Variants in DNAH9 observed in about 807,000 individuals in gnomAD.
The protein encoded by DNAH9 is DNAH9 variant protein.
Under a neutral mutation model 471.6 loss-of-function variants are expected in DNAH9, and 345 were observed. The ratio of observed to expected loss-of-function variants is 0.73; its 90% CI spans 0.67 to 0.80. DNAH9 has a LOEUF of 0.80. Among genes scored for constraint, DNAH9 ranks in the 30% least tolerant of loss-of-function variants. The pLI, the probability that DNAH9 is intolerant of heterozygous loss-of-function variation, is 0.00. For missense variants in DNAH9, 5,407 were observed against 5,609.2 expected (o/e 0.96, Z 1.15); for synonymous variants, 2,093 against 2,123.6 (o/e 0.99, Z 0.40).
intron 28 of DNAH9, among the ~76,000 whole-genome samples, chr17:11,737,812 T>C (rs1171438798): frequency 6.6e-6 from 1 of 152,152 alleles, no homozygotes; most frequent in Non-Finnish European, 1.5e-5. Context: ...CTACCTTTGC[T>C]CCATCTGTAA....
In DNAH9 at chr17:11,654,972, A is replaced by G. The variant is rs148083099; in HGVS notation, c.2595+1970A>G. Reference sequence around the variant, plus strand: ...ATACAAAACTTAGTAATTAGGCCTTAAATAATGTTTGCCTTTTGATAATTT... The same window carrying G: ...ATACAAAACTTAGTAATTAGGCCTTGAATAATGTTTGCCTTTTGATAATTT... On this transcript the variant is annotated intron_variant, in intron 14 of 68. Transcript: ENST00000262442. Among the ~76,000 whole-genome samples the G allele has an allele frequency of 7.2e-5, 11 of 152,270 alleles. No homozygotes were observed. The East Asian group carries it at 2.1e-3, about 29-fold the overall frequency.
At chr17:11,614,969 T>G (rs1349968274) in intron 4 of DNAH9, among the ~76,000 whole-genome samples, 1 of 152,138 alleles carries the variant, frequency 6.6e-6, no homozygotes, top group Non-Finnish European at 1.5e-5. Flanking sequence ...AGGATGTGTG[T>G]AGGTAGATAC....
At chr17:11,898,639 A>T (rs1360714305) in intron 59 of DNAH9, among the ~76,000 whole-genome samples, 1 of 152,188 alleles carries the variant, frequency 6.6e-6, no homozygotes. Context: ...CACATGCTAT[A>T]GTCGATATGG....
intron 18 of DNAH9, 133 bp downstream of exon 18, chr17:11,680,112 G>T: frequency 1.5e-6 from 1 of 686,542 alleles, no homozygotes; most frequent in Non-Finnish European, 2.4e-6. Context: ...GAACTATAAT[G>T]TGTAGCGTAT....
rs1203489372 is a variant in DNAH9, at chr17:11,875,349, C to T, written c.10478+165C>T. Among the ~76,000 whole-genome samples the T allele has an allele frequency of 2.0e-5, 3 of 152,262 alleles. No individual in the cohort carries two copies. The East Asian group carries it at 5.8e-4, about 29-fold the overall frequency. On this transcript the variant is annotated intron_variant, in intron 53 of 68. Coordinates refer to ENST00000262442, the MANE Select transcript of DNAH9 (RefSeq NM_001372.4). The stretch of plus-strand genomic sequence containing the variant: ...TTAGCAAACATCTCAATGAAAGATG[C>T]CTGGGTACTAAGTCTTTGCTTTTTA...
At chr17:11,803,379 GGTGT>G (rs35385819) in intron 43 of DNAH9, among the ~76,000 whole-genome samples, 58 of 150,534 alleles carry the variant, frequency 3.9e-4, no homozygotes, top group African/African-American at 9.7e-4. Flanking sequence ...ATTCTCTAGG[GGTGT>G]GTGTGTGTGT....
At chr17:11,658,025 T>C (rs2073686179) in intron 14 of DNAH9, among the ~76,000 whole-genome samples, 2 of 152,110 alleles carry the variant, frequency 1.3e-5, no homozygotes, top group Admixed American at 6.5e-5. Flanking sequence ...ACATAAGTTT[T>C]AGATTCAGCC....
In DNAH9 at chr17:11,762,774, T is replaced by G. The variant is rs866195230; in HGVS notation, c.6996-666T>G. Among the ~76,000 whole-genome samples the G allele has an allele frequency of 2.8e-3, 262 of 95,152 alleles. 2 individuals carry two copies. Among genetic ancestry groups the G allele is most frequent in the Non-Finnish European group, 3.5e-3 (151 of 43,600 alleles). 62.4% of individuals were successfully genotyped at this position (95,152 alleles called of 152,430 possible). A position where few individuals can be genotyped will look rare whatever the true frequency, so the allele number is the denominator to read the frequency against. On this transcript the variant is annotated intron_variant, in intron 35 of 68. Transcript: ENST00000262442. ...TTTAGGTGCGTTTTTTTTTTTGTTT[T>G]TTTTTTTTTTTTTTTTTTTTTTTGA...
At chr17:11,679,619 A>G in intron 17 of DNAH9, 138 bp from the exon 18 acceptor site, 1 of 677,068 alleles carries the variant, frequency 1.5e-6, no homozygotes, top group Non-Finnish European at 2.6e-6. Flanking sequence ...AGCATAGTCT[A>G]TGCAGAGTGC....
intron 43 of DNAH9, among the ~76,000 whole-genome samples, chr17:11,803,377 G>GA (rs1969541647): frequency 2.1e-5 from 3 of 139,810 alleles, no homozygotes; most frequent in Non-Finnish European, 4.9e-5. Flanking sequence ...CCATTCTCTA[G>GA]GGGTGTGTGT....
chr17:11,608,305 G>C lies in DNAH9; in HGVS notation c.594G>C (p.Ala198=). 5 of 1,610,014 alleles carry C rather than the reference G, an allele frequency of 3.1e-6. No individual in the cohort carries two copies. Among genetic ancestry groups the C allele is most frequent in the Non-Finnish European group, 3.4e-6 (4 of 1,178,852 alleles). The part of the protein sequence containing the change: ...LPAGSEKMEF[A]DSKSETVLDS... ...CAGGCTCAGAAAAAATGGAGTTTGC[G>C]GATTCCAAAAGTGAGACAGTGTAAG... is the stretch of plus-strand genomic sequence containing the variant. Residue 198 remains alanine (A), a synonymous_variant, in exon 2 of 69, where the codon GCG becomes GCC. Transcript: ENST00000262442.
chr17:11,664,410 G>A (rs9896133), intron 14 of DNAH9, among the ~76,000 whole-genome samples: 3,093 of 152,264 alleles, frequency 0.02, 84 homozygotes, highest in South Asian at 0.1. Context: ...ACCAGAAAAT[G>A]CTTTGCTTCT....
chr17:11,799,708 G>A (rs1402736004), intron 43 of DNAH9, among the ~76,000 whole-genome samples: 1 of 151,874 alleles, frequency 6.6e-6, no homozygotes. Flanking sequence ...CTCAGCCTCT[G>A]AAGTAGCTGG....
chr17:11,748,042 C>A (rs748554801), intron 32 of DNAH9, among the ~76,000 whole-genome samples: 1 of 151,322 alleles, frequency 6.6e-6, no homozygotes, highest in African/African-American at 2.4e-5. Flanking sequence ...CAGTGGCTCA[C>A]GCCTGTAATC....
At chr17:11,661,342 C>T (rs959353091) in intron 14 of DNAH9, among the ~76,000 whole-genome samples, 2 of 151,906 alleles carry the variant, frequency 1.3e-5, no homozygotes, top group African/African-American at 2.4e-5. Context: ...TCTTAATAGT[C>T]GGCATATAAT....
chr17:11,618,899 G>C (rs969703629), intron 5 of DNAH9, among the ~76,000 whole-genome samples: 1 of 152,166 alleles, frequency 6.6e-6, no homozygotes, highest in African/African-American at 2.4e-5. Flanking sequence ...CAGGCTGTTT[G>C]ACTCCTCCTA....
chr17:11,883,819 T>C, intron 56 of DNAH9, 69 bp downstream of exon 56: 10 of 1,508,722 alleles, frequency 6.6e-6, no homozygotes, highest in Non-Finnish European at 9.0e-6. Context: ...TCTCTCCTCT[T>C]AGACAATGAG....
Position 11,822,003 on chromosome 17 carries a change from G to A in DNAH9, c.8791G>A (p.Val2931Ile), listed in dbSNP as rs1256818485. 1.2e-6 allele frequency: 2 copies of A among 1,614,172 alleles called. No homozygotes were observed. Among genetic ancestry groups the A allele is most frequent in the South Asian group, 1.1e-5 (1 of 91,084 alleles). Residue 2931 changes from valine to isoleucine, a missense_variant, in exon 46 of 69, where the codon GTT becomes ATT. Transcript: ENST00000262442. ...GAATGAAGTCAAGAGCCAGGGTCTGGTTGACAACAGAGAGAACTGTTGGAA... is the reference window on the plus strand; with the variant it reads ...GAATGAAGTCAAGAGCCAGGGTCTGATTGACAACAGAGAGAACTGTTGGAA... Reference protein sequence around the residue: ...VRNEVKSQGLVDNRENCWKFF... With the variant: ...VRNEVKSQGLIDNRENCWKFF...
intron 66 of DNAH9, among the ~76,000 whole-genome samples, chr17:11,940,913 A>G (rs1056050696): frequency 3.9e-5 from 6 of 152,186 alleles, no homozygotes; most frequent in Non-Finnish European, 2.9e-5. Context: ...GCTGCAAGCT[A>G]TAGACACCAA....
Sources: allele counts gnomAD v4.1 joint callset (sites outside exome capture counted in the v4.1 genomes callset), GRCh38; gene constraint gnomAD v4.1.1; transcripts MANE v1.5; gene names NCBI Gene and HGNC (gene_info 2026-07-23, HGNC 2026-07-21).